Variants in DPY19L1 observed in about 807,000 individuals in gnomAD.
DPY19L1 encodes the protein dpy-19 like C-mannosyltransferase 1, also known as protein C-mannosyl-transferase DPY19L1.
Under a neutral mutation model 96.9 loss-of-function variants are expected in DPY19L1, and 35 were observed. The observed-to-expected ratio is 0.36, with a 90% CI of 0.28 to 0.48. The LOEUF (loss-of-function observed/expected upper bound fraction) is 0.48. Ranked by LOEUF, DPY19L1 falls within the 20% of genes least tolerant of loss-of-function variation. The pLI is 0.99. For missense variants in DPY19L1, 521 were observed against 777.9 expected (o/e 0.67, Z 3.93); for synonymous variants, 205 against 252.6 (o/e 0.81, Z 1.79).
intron 6 of DPY19L1, among the ~76,000 whole-genome samples, chr7:34,996,952 G>C (rs1422836025): frequency 1.3e-5 from 2 of 152,166 alleles, no homozygotes; most frequent in Non-Finnish European, 2.9e-5. Context: ...GTCATCCCAG[G>C]AGGATGGGCT....
intron 16 of DPY19L1, 80 bp from the exon 17 acceptor site, chr7:34,942,719 C>A: frequency 8.1e-7 from 1 of 1,241,534 alleles, no homozygotes; most frequent in South Asian, 1.4e-5. Context: ...ATCTTGCAAA[C>A]AGGAGTTTTA....
At chr7:34,961,104 G>C (rs1486710707) in intron 10 of DPY19L1, among the ~76,000 whole-genome samples, 1 of 152,064 alleles carries the variant, frequency 6.6e-6, no homozygotes, top group Non-Finnish European at 1.5e-5. Context: ...ACTTGATTCA[G>C]CACAATCCCA....
chr7:34,969,928 A>C (rs1160165273), intron 8 of DPY19L1, among the ~76,000 whole-genome samples: 1 of 152,242 alleles, frequency 6.6e-6, no homozygotes, highest in African/African-American at 2.4e-5. Flanking sequence ...AACTACTGCA[A>C]TAATGCAGAA....
chr7:34,987,520 G>C (rs1283569383), intron 7 of DPY19L1, among the ~76,000 whole-genome samples: 1 of 152,036 alleles, frequency 6.6e-6, no homozygotes, highest in Non-Finnish European at 1.5e-5. Context: ...ATCTTCACAT[G>C]TAGTGCACAG....
chr7:35,021,496 A>G (rs1309184584), intron 1 of DPY19L1, among the ~76,000 whole-genome samples: 1 of 152,210 alleles, frequency 6.6e-6, no homozygotes, highest in Non-Finnish European at 1.5e-5. Flanking sequence ...ACTCAGTAAC[A>G]ATGATGAGAG....
chr7:34,960,169 A>C (rs1426901910), intron 10 of DPY19L1, among the ~76,000 whole-genome samples: 1 of 151,528 alleles, frequency 6.6e-6, no homozygotes. Context: ...CATATATATC[A>C]ATTTCCATGT....
intron 1 of DPY19L1, 50 bp from the exon 2 acceptor site, chr7:35,018,646 T>C: frequency 6.6e-7 from 1 of 1,514,300 alleles, no homozygotes; most frequent in Non-Finnish European, 9.1e-7. Context: ...AACATGTTCA[T>C]CTTACAGAAA....
chr7:34,939,084 T>G, intron 20 of DPY19L1, 192 bp downstream of exon 20: 2 of 492,506 alleles, frequency 4.1e-6, no homozygotes, highest in South Asian at 8.0e-5. Flanking sequence ...AGTTGTCACT[T>G]TCCTGCCCTG....
At chr7:34,967,409 A>ACAATTCACTCAATTCACTCAAT (rs1784634186) in intron 9 of DPY19L1, among the ~76,000 whole-genome samples, 1 of 152,208 alleles carries the variant, frequency 6.6e-6, no homozygotes, top group Non-Finnish European at 1.5e-5. Context: ...TCTGCTTGCT[A>ACAATTCACTCAATTCACTCAAT]GTCACTCTTT....
At chr7:35,020,846 T>C (rs1301768371) in intron 1 of DPY19L1, among the ~76,000 whole-genome samples, 10 of 152,012 alleles carry the variant, frequency 6.6e-5, no homozygotes, top group Non-Finnish European at 1.5e-4. Context: ...GTAGCTGGGA[T>C]TACAGGTAAA....
intron 21 of DPY19L1, among the ~76,000 whole-genome samples, chr7:34,934,172 C>T (rs1783816592): frequency 6.6e-6 from 1 of 152,026 alleles, no homozygotes; most frequent in Non-Finnish European, 1.5e-5. Context: ...ACCGTGTTAG[C>T]CAAGATGGTC....
At chr7:34,932,772 T>A (rs1241221635) in intron 21 of DPY19L1, among the ~76,000 whole-genome samples, 1 of 152,212 alleles carries the variant, frequency 6.6e-6, no homozygotes, top group East Asian at 1.9e-4. Context: ...GATGCTGCTA[T>A]CTACCTTTTG....
rs550972518 is a variant in DPY19L1 at position 34,970,035 on chromosome 7, A to G, written c.915-503T>C. On this transcript the variant is annotated intron_variant, in intron 8 of 21. Coordinates refer to ENST00000638088, the MANE Select transcript of DPY19L1 (RefSeq NM_001366673.1). ...AACACAGAAAAGTTAAGTGGAGGAAAAGATATGGGGTCCATTCTGAAGCAA... is the reference window on the plus strand; with the variant it reads ...AACACAGAAAAGTTAAGTGGAGGAAGAGATATGGGGTCCATTCTGAAGCAA... Among the ~76,000 whole-genome samples, 3 of 152,326 alleles carry G rather than the reference A, an allele frequency of 2.0e-5. 1 individual carries two copies. Among genetic ancestry groups the G allele is most frequent in the South Asian group, 4.1e-4 (2 of 4,824 alleles).
intron 11 of DPY19L1, among the ~76,000 whole-genome samples, chr7:34,956,794 C>T (rs1391690296): frequency 1.3e-5 from 2 of 151,758 alleles, no homozygotes; most frequent in African/African-American, 4.8e-5. Context: ...TGAGCCACTG[C>T]GCCTGGCCGA....
intron 7 of DPY19L1, among the ~76,000 whole-genome samples, chr7:34,979,873 T>G (rs1784903443): frequency 2.0e-5 from 3 of 152,028 alleles, no homozygotes; most frequent in Non-Finnish European, 4.4e-5. Context: ...AACCAGCAAG[T>G]TGTGTATGTG....
chr7:34,977,804 C>T (rs1325444162), intron 7 of DPY19L1, among the ~76,000 whole-genome samples: 1 of 152,032 alleles, frequency 6.6e-6, no homozygotes, highest in Non-Finnish European at 1.5e-5. Context: ...AGGAAATATA[C>T]ATGTGAACTG....
At chr7:35,035,768 G>C (rs563562019) in intron 1 of DPY19L1, among the ~76,000 whole-genome samples, 1 of 152,148 alleles carries the variant, frequency 6.6e-6, no homozygotes, top group Non-Finnish European at 1.5e-5. Context: ...GACTCACAAA[G>C]GAACCTGAAA....
chr7:34,936,255 G>A (rs1333852685), intron 21 of DPY19L1, among the ~76,000 whole-genome samples: 1 of 151,672 alleles, frequency 6.6e-6, no homozygotes, highest in Admixed American at 6.6e-5. Flanking sequence ...GTAAAACAGT[G>A]CTCTGCCTAC....
chr7:34,942,392 A>C (rs1315940907), intron 17 of DPY19L1, among the ~76,000 whole-genome samples: 1 of 152,252 alleles, frequency 6.6e-6, no homozygotes, highest in Non-Finnish European at 1.5e-5. Context: ...AACTGCCATT[A>C]GTGTAAAGAT....
Sources: gnomAD v4.1 joint callset for allele counts (sites outside exome capture counted in the v4.1 genomes callset) on GRCh38, gnomAD v4.1.1 for gene constraint, MANE v1.5 for transcripts, NCBI Gene and HGNC (gene_info 2026-07-23, HGNC 2026-07-21) for gene names.